Variants in FER1L6 observed in about 807,000 individuals in gnomAD.
FER1L6 encodes the protein fer-1-like protein 6.
A neutral mutation model predicts 219.2 loss-of-function variants in FER1L6; 177 were observed. That is an observed-to-expected ratio of 0.81 (90% CI 0.71 to 0.91). The LOEUF (loss-of-function observed/expected upper bound fraction) is 0.91, where lower values mean the gene tolerates loss of function less well. FER1L6 is among the 40% of genes least tolerant of loss of function. The pLI, the probability that FER1L6 is intolerant of heterozygous loss-of-function variation, is 0.00. For missense variants in FER1L6, 2,153 were observed against 2,259.9 expected (o/e 0.95, Z 0.96); for synonymous variants, 768 against 824.3 (o/e 0.93, Z 1.17).
chr8:123,920,204 CA>C (rs1162966430), intron 1 of FER1L6, among the ~76,000 whole-genome samples: 2 of 152,186 alleles, frequency 1.3e-5, no homozygotes, highest in Admixed American at 6.5e-5. Context: ...ACCCTAACTC[CA>C]CTGGAGCAAG....
intron 1 of FER1L6, among the ~76,000 whole-genome samples, chr8:123,862,564 C>T (rs1205719846): frequency 2.8e-5 from 4 of 141,928 alleles, no homozygotes; most frequent in Non-Finnish European, 6.0e-5. Context: ...GTACCAGTTC[C>T]TCCTTGTACC....
chr8:124,036,532 T>C (rs1819222393), intron 19 of FER1L6, among the ~76,000 whole-genome samples: 1 of 152,118 alleles, frequency 6.6e-6, no homozygotes, highest in Non-Finnish European at 1.5e-5. Context: ...CAAGGACACA[T>C]AGCTAGTAAA....
At chr8:124,118,240 T>G (rs1187451020) in intron 39 of FER1L6, among the ~76,000 whole-genome samples, 1 of 152,160 alleles carries the variant, frequency 6.6e-6, no homozygotes, top group East Asian at 1.9e-4. Flanking sequence ...CATACATCCC[T>G]GACAGAAACT....
At chr8:124,091,963 G>A (rs1484950543) in intron 34 of FER1L6, among the ~76,000 whole-genome samples, 1 of 71,850 alleles carries the variant, frequency 1.4e-5, no homozygotes, top group African/African-American at 5.8e-5. Context: ...TGGGACTCAA[G>A]TCTTAAAAAA....
chr8:123,854,930 A>G (rs1357165751), intron 1 of FER1L6, among the ~76,000 whole-genome samples: 1 of 152,184 alleles, frequency 6.6e-6, no homozygotes, highest in Non-Finnish European at 1.5e-5. Flanking sequence ...TAACATAACT[A>G]TTTCAAAGTG....
intron 39 of FER1L6, among the ~76,000 whole-genome samples, chr8:124,105,941 G>T (rs1822752517): frequency 6.6e-6 from 1 of 152,162 alleles, no homozygotes; most frequent in South Asian, 2.1e-4. Flanking sequence ...TATGTGAAAT[G>T]CTCAGAATAG....
chr8:123,891,590 A>G (rs1423198868), intron 1 of FER1L6, among the ~76,000 whole-genome samples: 1 of 152,148 alleles, frequency 6.6e-6, no homozygotes, highest in East Asian at 1.9e-4. Flanking sequence ...GCAGGCAGTA[A>G]CTCCCAAACA....
intron 25 of FER1L6, among the ~76,000 whole-genome samples, chr8:124,063,808 G>C (rs796359996): frequency 3.3e-5 from 5 of 152,302 alleles, no homozygotes; most frequent in African/African-American, 1.2e-4. Flanking sequence ...ATAAAACGGA[G>C]AGATGAGGAC....
chr8:124,032,975 T>A (rs1819038360), intron 18 of FER1L6, among the ~76,000 whole-genome samples: 1 of 152,188 alleles, frequency 6.6e-6, no homozygotes, highest in Non-Finnish European at 1.5e-5. Flanking sequence ...ATCCATGTGC[T>A]CACAGCAGTG....
chr8:124,053,192 G>A (rs1820130067), intron 22 of FER1L6, among the ~76,000 whole-genome samples: 1 of 152,174 alleles, frequency 6.6e-6, no homozygotes, highest in Admixed American at 6.5e-5. Context: ...ATCCCCAAAT[G>A]CTCTCTGTGG....
intron 33 of FER1L6, among the ~76,000 whole-genome samples, chr8:124,085,880 T>C (rs1376757371): frequency 6.6e-6 from 1 of 152,192 alleles, no homozygotes; most frequent in East Asian, 1.9e-4. Context: ...CTTTGCTTTA[T>C]ATCTGGGTGC....
chr8:123,879,474 C>G (rs1817066930), intron 1 of FER1L6, among the ~76,000 whole-genome samples: 2 of 151,980 alleles, frequency 1.3e-5, no homozygotes. Flanking sequence ...CTACAGGCGC[C>G]CACCACCATG....
chr8:124,094,814 G>C, intron 34 of FER1L6, 82 bp from the exon 35 acceptor site: 1 of 1,440,350 alleles, frequency 6.9e-7, no homozygotes, highest in South Asian at 1.1e-5. Context: ...AAGCCTGTAA[G>C]TGTTTAAAAA....
At chr8:124,091,691 G>A (rs1367206889) in intron 34 of FER1L6, 108 bp downstream of exon 34, 4 of 1,191,112 alleles carry the variant, frequency 3.4e-6, no homozygotes, top group Non-Finnish European at 4.8e-6. Flanking sequence ...ATGTGGCCAG[G>A]CACAGTGGCT....
intron 1 of FER1L6, among the ~76,000 whole-genome samples, chr8:123,874,329 A>C (rs913444307): frequency 2.0e-5 from 3 of 152,196 alleles, no homozygotes; most frequent in African/African-American, 7.2e-5. Flanking sequence ...GCCACATACT[A>C]GCTGCGTCAC....
intron 34 of FER1L6, among the ~76,000 whole-genome samples, chr8:124,094,341 T>G (rs1052884665): frequency 1.6e-4 from 24 of 152,178 alleles, no homozygotes; most frequent in African/African-American, 5.8e-4. Context: ...GGACCAAGAC[T>G]GCTCTCTGGG....
intron 24 of FER1L6, among the ~76,000 whole-genome samples, chr8:124,061,006 T>C (rs543741517): frequency 1.1e-4 from 16 of 152,316 alleles, no homozygotes; most frequent in African/African-American, 3.6e-4. Flanking sequence ...GAAATGCTCA[T>C]TCTCAGGCCC....
intron 20 of FER1L6, among the ~76,000 whole-genome samples, chr8:124,042,069 C>T (rs1276589561): frequency 6.6e-6 from 1 of 152,168 alleles, no homozygotes; most frequent in Non-Finnish European, 1.5e-5. Context: ...ATAGGATGGA[C>T]CCCTGGAGCC....
At chr8:124,095,482 C>G (rs879363747) in intron 35 of FER1L6, among the ~76,000 whole-genome samples, 4 of 152,168 alleles carry the variant, frequency 2.6e-5, no homozygotes, top group Non-Finnish European at 5.9e-5. Flanking sequence ...CACAAACACA[C>G]AATTTTCCCA....
Sources: gnomAD v4.1 joint callset for allele counts (sites outside exome capture counted in the v4.1 genomes callset) on GRCh38, gnomAD v4.1.1 for gene constraint, MANE v1.5 for transcripts, NCBI Gene and HGNC (gene_info 2026-07-23, HGNC 2026-07-21) for gene names.